ZNF335: variants seen among roughly 807,000 people sequenced by gnomAD.
ZNF335 encodes NRC-interacting factor 1.
ZNF335 carries 84 observed loss-of-function variants against 145.6 expected under a neutral mutation model. The ratio of observed to expected loss-of-function variants is 0.58; its 90% CI spans 0.48 to 0.69. The LOEUF is 0.69. ZNF335 is among the 30% of genes least tolerant of loss of function. ZNF335 has a pLI of 0.00. For synonymous variants in ZNF335, 761 were observed against 717.0 expected (o/e 1.06, Z -0.98); for missense variants, 1,865 against 1,809.7 (o/e 1.03, Z -0.55).
Position 45,957,615 on chromosome 20 carries a change from G to A in ZNF335, c.2413C>T (p.Gln805Ter). ...AGGGCTGTGCCCCCCAGTTCCCGCT[G>A]AGCACTCATGTTCAGCAGAAGATCC... Reference protein sequence around the residue: ...ALDLLLNMSAQRELGGTALQV... With the variant: ...ALDLLLNMSA Residue 805 changes from glutamine (Q) to a stop codon, truncating the protein, a stop_gained, in exon 17 of 28, where the codon CAG (glutamine) becomes TAG (stop). Transcript: ENST00000322927. LOFTEE classifies it high-confidence loss of function. 1.9e-6 allele frequency: 3 copies of A among 1,614,158 alleles called. No individual in the cohort carries two copies. Among genetic ancestry groups the A allele is most frequent in the Non-Finnish European group, 2.5e-6 (3 of 1,180,038 alleles).
intron 2 of ZNF335, 174 bp from the exon 3 acceptor site, chr20:45,969,865 TC>T: frequency 2.6e-6 from 2 of 771,820 alleles, no homozygotes; most frequent in Non-Finnish European, 3.8e-6. Context: ...AGTCACAGAG[TC>T]CCCCAGGAAA....
chr20:45,948,816 C>A lies in ZNF335; in HGVS notation c.*137G>T. 1.4e-6 allele frequency: 2 copies of A among 1,426,346 alleles called. No individual in the cohort carries two copies. The highest frequency in any genetic ancestry group is 2.5e-5 in the South Asian group (2 of 78,770). The allele number at this position is 1,426,346 out of a possible 1,614,324, so 88.4% of individuals were successfully genotyped here. Reference sequence around the variant, plus strand: ...TGCCCCTAACCCCAACAGCACAGGTCTGGCTCCCTGGGAATGAGAGGATGC... The same window carrying A: ...TGCCCCTAACCCCAACAGCACAGGTATGGCTCCCTGGGAATGAGAGGATGC... On this transcript the variant is annotated 3_prime_UTR_variant, in exon 28 of 28. Coordinates refer to ENST00000322927, the MANE Select transcript of ZNF335 (RefSeq NM_022095.4).
rs775932570 is a variant in ZNF335 at position 45,949,838 on chromosome 20, C to T, written c.3631G>A (p.Gly1211Ser). 4 of 1,614,106 alleles carry T rather than the reference C, an allele frequency of 2.5e-6. No individual in the cohort carries two copies. The highest frequency in any genetic ancestry group is 2.5e-6 in the Non-Finnish European group (3 of 1,180,010). Residue 1211 changes from glycine (G) to serine (S), a missense_variant, in exon 24 of 28, where the codon GGC becomes AGC. Coordinates refer to ENST00000322927, the MANE Select transcript of ZNF335 (RefSeq NM_022095.4). ...AYIQEITTAD[G>S]QTVQHLVTSD... ...GTCACCAGGTGCTGTACGGTCTGGCCATCTGCCGTGGTGATCTCTTGGATG... is the reference window on the plus strand; with the variant it reads ...GTCACCAGGTGCTGTACGGTCTGGCTATCTGCCGTGGTGATCTCTTGGATG...
At position 45,959,470 on chromosome 20, in the gene ZNF335, G is replaced by A. The variant is rs3746507; in HGVS notation, c.2021-37C>T. On this transcript the variant is annotated intron_variant, in intron 14 of 27. Transcript: ENST00000322927. ...TGTTGGGGCATGCTTAAGTCTGCCC[G>A]TCCCTAGCCTACCCCCTCCAGGAAT... The A allele has an allele frequency of 0.93, 1,284,754 of 1,376,836 alleles. 601,859 individuals carry two copies. The highest frequency in any genetic ancestry group is 0.95 in the Non-Finnish European group (999,086 of 1,048,996). 85.3% of individuals were successfully genotyped at this position (1,376,836 alleles called of 1,614,324 possible).
chr20:45,969,046 C>T (rs762982773), intron 3 of ZNF335, among the ~76,000 whole-genome samples: 4 of 152,158 alleles, frequency 2.6e-5, no homozygotes, highest in Non-Finnish European at 2.9e-5. Flanking sequence ...GCTCATGGCC[C>T]GACACCCCAC....
chr20:45,950,797 T>C (rs1159812110), intron 20 of ZNF335, among the ~76,000 whole-genome samples: 14 of 152,338 alleles, frequency 9.2e-5, no homozygotes, highest in Admixed American at 9.1e-4. Context: ...TGAAAGGCCA[T>C]AGATTCCATC....
intron 18 of ZNF335, 58 bp from the exon 19 acceptor site, chr20:45,952,767 C>T (rs1265053478): frequency 1.3e-6 from 2 of 1,515,122 alleles, no homozygotes; most frequent in Admixed American, 1.7e-5. Context: ...CCCCCTTCCC[C>T]AAGCAACAGG....
At chr20:45,972,074 CT>C in intron 1 of ZNF335, 47 bp downstream of exon 1, 1 of 1,285,392 alleles carries the variant, frequency 7.8e-7, no homozygotes, top group Non-Finnish European at 1.0e-6. Context: ...TGTGACCTCA[CT>C]CCACGGCAGG....
At chr20:45,965,823 T>C (rs1600545112) in intron 6 of ZNF335, 49 bp from the exon 7 acceptor site, 1 of 1,564,272 alleles carries the variant, frequency 6.4e-7, no homozygotes, top group Non-Finnish European at 8.6e-7. Context: ...GGACCTGCCC[T>C]TTCAGCCCTG....
chr20:45,962,436 TG>T (rs1165915635), intron 9 of ZNF335, among the ~76,000 whole-genome samples: 6 of 152,144 alleles, frequency 3.9e-5, no homozygotes, highest in African/African-American at 9.7e-5. Flanking sequence ...AGTCTCAGGG[TG>T]GAGGGACCTT....
rs1284608850 is a variant in ZNF335, at chr20:45,963,917, G to A, written c.1176C>T (p.Pro392=). Reference sequence around the variant, plus strand: ...CCAGGTGTCCTGGGCCTGAGGAGCTGGGAGCCTCGGGATCCTGTGGCTCTG... The same window carrying A: ...CCAGGTGTCCTGGGCCTGAGGAGCTAGGAGCCTCGGGATCCTGTGGCTCTG... ...SPPEPQDPEA[P]SSSGPGHLVA... is the part of the protein sequence containing the mutation. The change falls in exon 8 of 28, where the codon CCC becomes CCT. Residue 392 remains proline, a synonymous_variant. Coordinates refer to ENST00000322927, the MANE Select transcript of ZNF335 (RefSeq NM_022095.4). The A allele has an allele frequency of 6.3e-7, 1 of 1,575,930 alleles. No homozygotes were observed. The highest frequency in any genetic ancestry group is 1.8e-5 in the Admixed American group (1 of 55,726).
chr20:45,971,421 G>T lies in ZNF335; in HGVS notation c.-11C>A. ...CTCGTTCTCCTCCATCTGATCGGCG[G>T]GCTGCCTGACAGCGGGGCGTAGGGT... is the stretch of plus-strand genomic sequence containing the variant. On this transcript the variant is annotated 5_prime_UTR_variant, in exon 2 of 28. Transcript: ENST00000322927. The T allele has an allele frequency of 6.3e-7, 1 of 1,599,114 alleles. No individual in the cohort carries two copies. The highest frequency in any genetic ancestry group is 1.6e-4 in the Middle Eastern group (1 of 6,062).
intron 20 of ZNF335, among the ~76,000 whole-genome samples, chr20:45,951,877 A>C (rs552637167): frequency 6.6e-6 from 1 of 152,166 alleles, no homozygotes; most frequent in East Asian, 1.9e-4. Context: ...TTTCCCCAGC[A>C]CACACAAGTT....
intron 20 of ZNF335, among the ~76,000 whole-genome samples, 199 bp downstream of exon 20, chr20:45,951,948 T>A (rs1416341606): frequency 1.3e-5 from 2 of 152,250 alleles, no homozygotes; most frequent in African/African-American, 4.8e-5. Flanking sequence ...TGTCTGGCAT[T>A]AGTCACGTTG....
rs755328958 is a variant in ZNF335, at chr20:45,959,453, C to T, written c.2021-20G>A. 2.1e-6 allele frequency: 3 copies of T among 1,425,460 alleles called. No individual in the cohort carries two copies. Among genetic ancestry groups the T allele is most frequent in the South Asian group, 1.5e-5 (1 of 65,378 alleles). The allele number at this position is 1,425,460 out of a possible 1,614,324, so 88.3% of individuals were successfully genotyped here. A position where few individuals can be genotyped will look rare whatever the true frequency, so the allele number is the denominator to read the frequency against. On this transcript the variant is annotated intron_variant, in intron 14 of 27. Transcript: ENST00000322927. ...TGGCCCCTGGAGGCACATGTTGGGG[C>T]ATGCTTAAGTCTGCCCGTCCCTAGC...
At position 45,960,796 on chromosome 20, in the gene ZNF335, C is replaced by G. The variant is rs1337114919; in HGVS notation, c.1666-64G>C. On this transcript the variant is annotated intron_variant, in intron 11 of 27. Coordinates refer to ENST00000322927, the MANE Select transcript of ZNF335 (RefSeq NM_022095.4). ...TGGAGGAGGGAGGATAAAACCTCCC[C>G]TCTTGTCCTCACCCCCATAAACAAC... 12 of 1,613,176 alleles carry G rather than the reference C, an allele frequency of 7.4e-6. No homozygotes were observed. The South Asian group carries it at 1.3e-4, about 18-fold the overall frequency.
At chr20:45,955,149 G>A (rs2083704239) in intron 17 of ZNF335, among the ~76,000 whole-genome samples, 1 of 151,620 alleles carries the variant, frequency 6.6e-6, no homozygotes, top group African/African-American at 2.4e-5. Flanking sequence ...AGGAAATCGA[G>A]ACCATCCTGC....
At chr20:45,958,928 G>A (rs896803283) in intron 15 of ZNF335, among the ~76,000 whole-genome samples, 7 of 152,182 alleles carry the variant, frequency 4.6e-5, no homozygotes, top group Non-Finnish European at 7.3e-5. Context: ...TATAATCACC[G>A]CACCAGCCCT....
At chr20:45,957,515 G>A in intron 17 of ZNF335, 71 bp downstream of exon 17, 3 of 1,423,544 alleles carry the variant, frequency 2.1e-6, no homozygotes, top group Non-Finnish European at 3.0e-6. Context: ...TTTTCCTCTA[G>A]TCCCAGTGTC....
Sources: gnomAD v4.1 joint callset for allele counts (sites outside exome capture counted in the v4.1 genomes callset) on GRCh38, gnomAD v4.1.1 for gene constraint, MANE v1.5 for transcripts, NCBI Gene and HGNC (gene_info 2026-07-23, HGNC 2026-07-21) for gene names.